Variants in PRKAB2 observed in about 807,000 individuals in gnomAD.
PRKAB2 encodes 5'-AMP-activated protein kinase subunit beta-2.
In PRKAB2, 18 loss-of-function variants were observed where a neutral mutation model predicts 29.8. That is an observed-to-expected ratio of 0.60 (90% CI 0.42 to 0.89). The LOEUF (loss-of-function observed/expected upper bound fraction) is 0.89, where lower values mean the gene tolerates loss of function less well. Among genes scored for constraint, PRKAB2 ranks in the 40% least tolerant of loss-of-function variants. The probability of loss-of-function intolerance (pLI) is 0.00; values close to 1 mark genes in which losing one functional copy is unlikely to be tolerated. For synonymous variants in PRKAB2, 136 were observed against 125.9 expected, an observed-to-expected ratio of 1.08 and a Z score of -0.54; for missense variants, 270 against 344.3, an observed-to-expected ratio of 0.78 and a Z score of 1.71.
chr1:147,171,006 A>G (rs1332550775), intron 2 of PRKAB2, among the ~76,000 whole-genome samples: 1 of 152,230 alleles, frequency 6.6e-6, no homozygotes, highest in Non-Finnish European at 1.5e-5. Flanking sequence ...AAGTGATGAA[A>G]TGATAGGAAA....
chr1:147,166,160 C>T (rs1346314838), intron 5 of PRKAB2, among the ~76,000 whole-genome samples: 2 of 152,048 alleles, frequency 1.3e-5, no homozygotes, highest in African/African-American at 4.8e-5. Flanking sequence ...GTAATATCAT[C>T]AAAGGTCAGT....
intron 2 of PRKAB2, 145 bp from the exon 3 acceptor site, chr1:147,168,078 C>T: frequency 2.2e-6 from 2 of 889,016 alleles, no homozygotes; most frequent in East Asian, 5.4e-5. Context: ...AGAGTTTGAA[C>T]AAATTATAGA....
chr1:147,172,005 C>T lies in PRKAB2; in HGVS notation c.140G>A (p.Ser47Asn). 1.2e-6 allele frequency: 2 copies of T among 1,601,122 alleles called. No homozygotes were observed. Among genetic ancestry groups the T allele is most frequent in the Non-Finnish European group, 1.7e-6 (2 of 1,174,712 alleles). The change falls in exon 2 of 8, where the codon AGC (serine) becomes AAC (asparagine). Residue 47 changes from serine to asparagine, a missense_variant. Ser to Asn is a conservative substitution (Grantham distance 46, BLOSUM62 1). Coordinates refer to ENST00000254101, the MANE Select transcript of PRKAB2 (RefSeq NM_005399.5). ...VGSTDDPSVF[S>N]LPDSKLPGDK... ...GACGCTTACCTTGGAGTCAGGGAGGCTGAACACGCTGGGGTCGTCCGTACT... is the reference window on the plus strand; with the variant it reads ...GACGCTTACCTTGGAGTCAGGGAGGTTGAACACGCTGGGGTCGTCCGTACT...
intron 5 of PRKAB2, among the ~76,000 whole-genome samples, chr1:147,164,819 A>T (rs1484007876): frequency 3.3e-5 from 5 of 152,200 alleles, no homozygotes; most frequent in Non-Finnish European, 5.9e-5. Context: ...AAAGTATGCA[A>T]GTCTTCTCTC....
At chr1:147,170,162 GAAGTA>G (rs1332757728) in intron 2 of PRKAB2, among the ~76,000 whole-genome samples, 1 of 152,168 alleles carries the variant, frequency 6.6e-6, no homozygotes, top group Non-Finnish European at 1.5e-5. Flanking sequence ...GTTGAGTTTA[GAAGTA>G]AAGAGGCTAC....
In PRKAB2 at chr1:147,159,638, C is replaced by G. The variant is rs1158596181; in HGVS notation, c.746G>C (p.Ser249Thr). 6.2e-7 allele frequency: 1 copy of G among 1,613,224 alleles called. No individual in the cohort carries two copies. The highest frequency in any genetic ancestry group is 2.2e-5 in the East Asian group (1 of 44,888). Reference sequence around the variant, plus strand: ...ATGGGTTGCGCTAAGGACCATCACACTGTCCTGCAAGGAAAAGAAACATAC... The same window carrying G: ...ATGGGTTGCGCTAAGGACCATCACAGTGTCCTGCAAGGAAAAGAAACATAC... ...NHLYALSIKD[S>T]VMVLSATHRY... is the part of the protein sequence containing the mutation. Residue 249 changes from serine (S) to threonine (T), a missense_variant, in exon 8 of 8, where the codon AGT becomes ACT. Ser to Thr is a moderately conservative substitution (Grantham distance 58). This residue lies in a region of PRKAB2 where 42 missense variants were observed against 88.8 expected (regional missense o/e 0.47). Coordinates refer to ENST00000254101, the MANE Select transcript of PRKAB2 (RefSeq NM_005399.5).
intron 7 of PRKAB2, 42 bp downstream of exon 7, chr1:147,161,670 T>G: frequency 6.6e-7 from 1 of 1,522,796 alleles, no homozygotes; most frequent in South Asian, 1.1e-5. Context: ...CCTTGACCTC[T>G]CATTCCAGGG....
intron 2 of PRKAB2, among the ~76,000 whole-genome samples, chr1:147,171,773 G>C (rs1324052217): frequency 6.6e-6 from 1 of 152,174 alleles, no homozygotes; most frequent in Admixed American, 6.5e-5. Flanking sequence ...AGATTAGTCA[G>C]AACACCAGGA....
At position 147,161,793 on chromosome 1, in the gene PRKAB2, GAAAAAAATTACT is replaced by G. The variant is rs781836416; in HGVS notation, c.673-25_673-14del. 7.6e-5 allele frequency: 120 copies of G among 1,585,834 alleles called. No homozygotes were observed. Among genetic ancestry groups the G allele is most frequent in the African/African-American group, 1.1e-4 (8 of 73,590 alleles). ...AGGCTGGGTCACACTAAGAGAAAGA[GAAAAAAATTACT>G]AAAAAAATTACTAAATGAAATTAAT... is the stretch of plus-strand genomic sequence containing the variant. On this transcript the variant is annotated splice_polypyrimidine_tract_variant and intron_variant, in intron 6 of 7. Coordinates refer to ENST00000254101, the MANE Select transcript of PRKAB2 (RefSeq NM_005399.5).
At chr1:147,162,365 C>A in intron 6 of PRKAB2, 75 bp downstream of exon 6, 1 of 1,407,404 alleles carries the variant, frequency 7.1e-7, no homozygotes, top group South Asian at 1.3e-5. Context: ...TAATCCTAAC[C>A]TCTAGGATTA....
intron 2 of PRKAB2, among the ~76,000 whole-genome samples, chr1:147,168,164 G>A (rs1196077349): frequency 6.6e-6 from 1 of 151,980 alleles, no homozygotes; most frequent in Non-Finnish European, 1.5e-5. Flanking sequence ...CCTAACTTTT[G>A]AGTCTACCTG....
chr1:147,172,246 T>G, intron 1 of PRKAB2, 79 bp from the exon 2 acceptor site: 2 of 1,408,484 alleles, frequency 1.4e-6, no homozygotes, highest in East Asian at 2.5e-5. Context: ...CCCCTGCGCC[T>G]CGGGACAGGG....
rs587695839 is a variant in PRKAB2, at chr1:147,164,196, C to T, written c.539-1623G>A. ...TCAAGTGATCCTCCCACTTCGGCCTCCCAAAGTGCTAGGATTACAGGTGTG... is the reference window on the plus strand; with the variant it reads ...TCAAGTGATCCTCCCACTTCGGCCTTCCAAAGTGCTAGGATTACAGGTGTG... On this transcript the variant is annotated intron_variant, in intron 5 of 7. Coordinates refer to ENST00000254101, the MANE Select transcript of PRKAB2 (RefSeq NM_005399.5). 2.0e-5 allele frequency among the ~76,000 whole-genome samples: 3 copies of T among 152,252 alleles called. No homozygotes were observed. The South Asian group carries it at 6.2e-4, about 32-fold the overall frequency.
chr1:147,160,114 T>C (rs782760856), intron 7 of PRKAB2, among the ~76,000 whole-genome samples: 2 of 152,130 alleles, frequency 1.3e-5, no homozygotes, highest in Non-Finnish European at 2.9e-5. Context: ...GAAAAACTAT[T>C]TCCAAGTCCC....
At chr1:147,166,759 G>T (rs1435285570) in intron 4 of PRKAB2, 87 bp downstream of exon 4, 1 of 1,544,530 alleles carries the variant, frequency 6.5e-7, no homozygotes, top group African/African-American at 1.4e-5. Flanking sequence ...CCAGTGTAGG[G>T]GAGCAGCTGC....
At chr1:147,170,985 A>G (rs587726554) in intron 2 of PRKAB2, among the ~76,000 whole-genome samples, 2 of 152,356 alleles carry the variant, frequency 1.3e-5, no homozygotes, top group East Asian at 3.9e-4. Flanking sequence ...CTAAAGCCCC[A>G]GTTCCCTGGG....
intron 1 of PRKAB2, 96 bp downstream of exon 1, chr1:147,172,333 C>T (rs782777644): frequency 3.9e-6 from 3 of 761,724 alleles, no homozygotes; most frequent in Non-Finnish European, 6.0e-6. Flanking sequence ...CTGCAAATAC[C>T]CCGGTGCCCT....
At chr1:147,163,445 G>C (rs1057330764) in intron 5 of PRKAB2, among the ~76,000 whole-genome samples, 1 of 152,162 alleles carries the variant, frequency 6.6e-6, no homozygotes, top group Non-Finnish European at 1.5e-5. Context: ...AAACAATCAA[G>C]ATGTCTATCA....
At chr1:147,162,679 T>C (rs1654029116) in intron 5 of PRKAB2, 106 bp from the exon 6 acceptor site, 3 of 1,210,602 alleles carry the variant, frequency 2.5e-6, no homozygotes, top group South Asian at 1.6e-5. Context: ...GTAGAAGTCC[T>C]GGATCACAAA....
Sources: allele counts gnomAD v4.1 joint callset (sites outside exome capture counted in the v4.1 genomes callset), GRCh38; gene constraint gnomAD v4.1.1; regional missense constraint gnomAD v4.1.1; transcripts MANE v1.5; gene names NCBI Gene and HGNC (gene_info 2026-07-23, HGNC 2026-07-21).